Variants in CTNND2 observed in about 807,000 individuals in gnomAD.
CTNND2 encodes catenin delta-2.
CTNND2 carries 22 observed loss-of-function variants against 144.4 expected under a neutral mutation model. That is an observed-to-expected ratio of 0.15 (90% confidence interval 0.11 to 0.22). CTNND2 has a LOEUF of 0.22. CTNND2 is among the 10% of genes least tolerant of loss of function. The pLI is 1.00. For synonymous variants in CTNND2, 751 were observed against 695.6 expected, an observed-to-expected ratio of 1.08 and a Z score of -1.25; for missense variants, 1,353 against 1,618.8, an observed-to-expected ratio of 0.84 and a Z score of 2.82.
chr5:11,787,880 T>C (rs1208267269), intron 1 of CTNND2, among the ~76,000 whole-genome samples: 1 of 152,196 alleles, frequency 6.6e-6, no homozygotes, highest in Non-Finnish European at 1.5e-5. Context: ...TCCTTAGAAG[T>C]GCAAATAAAT....
chr5:11,372,236 GGTAA>G (rs1161105819), intron 7 of CTNND2, among the ~76,000 whole-genome samples: 1 of 152,208 alleles, frequency 6.6e-6, no homozygotes, highest in African/African-American at 2.4e-5. Flanking sequence ...AGGACATCAT[GGTAA>G]GTGTGTCCAT....
intron 2 of CTNND2, among the ~76,000 whole-genome samples, chr5:11,669,056 T>C (rs1212537680): frequency 2.6e-5 from 4 of 152,228 alleles, no homozygotes; most frequent in Admixed American, 2.0e-4. Context: ...GTTTACGTGA[T>C]GGATTATGTT....
intron 1 of CTNND2, among the ~76,000 whole-genome samples, chr5:11,878,486 T>G (rs1401944563): frequency 1.3e-5 from 2 of 152,130 alleles, no homozygotes; most frequent in Non-Finnish European, 2.9e-5. Flanking sequence ...GATCAATACA[T>G]AGAGAAAACA....
chr5:11,332,275 C>CAA (rs5865932), intron 9 of CTNND2, among the ~76,000 whole-genome samples: 3 of 81,550 alleles, frequency 3.7e-5, no homozygotes, highest in Non-Finnish European at 8.5e-5. Context: ...AACTCCGTCT[C>CAA]AAAAAAAAAA....
intron 3 of CTNND2, among the ~76,000 whole-genome samples, chr5:11,518,294 TATAGAATAATGATAGAA>T (rs1561504540): frequency 1.1e-5 from 1 of 93,132 alleles, no homozygotes; most frequent in Non-Finnish European, 2.2e-5. Flanking sequence ...GTAAAAAGCT[TATAGAATAATGATAGAA>T]ATATTTTTGT....
intron 2 of CTNND2, among the ~76,000 whole-genome samples, chr5:11,664,723 T>C (rs1783458944): frequency 6.6e-6 from 1 of 152,214 alleles, no homozygotes; most frequent in Admixed American, 6.6e-5. Context: ...ATCTAAATTA[T>C]TACCTCCAAT....
At chr5:11,381,651 T>C (rs1758488653) in intron 7 of CTNND2, among the ~76,000 whole-genome samples, 1 of 152,190 alleles carries the variant, frequency 6.6e-6, no homozygotes, top group South Asian at 2.1e-4. Flanking sequence ...TACTAACTAA[T>C]GGCATCACTG....
chr5:11,417,123 T>C (rs967249571), intron 3 of CTNND2, among the ~76,000 whole-genome samples: 3 of 152,220 alleles, frequency 2.0e-5, no homozygotes, highest in Non-Finnish European at 4.4e-5. Flanking sequence ...TTGTAGTTAA[T>C]CTTCATATTA....
chr5:11,507,112 C>A (rs970412775), intron 3 of CTNND2, among the ~76,000 whole-genome samples: 5 of 152,164 alleles, frequency 3.3e-5, no homozygotes, highest in African/African-American at 1.2e-4. Flanking sequence ...TAGGCTCGTA[C>A]CTGGGACAGT....
intron 3 of CTNND2, among the ~76,000 whole-genome samples, chr5:11,418,432 A>G (rs948530548): frequency 3.3e-5 from 5 of 152,146 alleles, no homozygotes; most frequent in African/African-American, 1.2e-4. Flanking sequence ...CAAAACAAAA[A>G]AACAAAATAA....
chr5:11,270,926 T>C (rs920617009), intron 9 of CTNND2, among the ~76,000 whole-genome samples: 4 of 152,218 alleles, frequency 2.6e-5, no homozygotes, highest in Middle Eastern at 3.2e-3. Flanking sequence ...ACATACTAAT[T>C]AGCATCCTTT....
chr5:11,321,211 C>T (rs888848125), intron 9 of CTNND2, among the ~76,000 whole-genome samples: 4 of 152,140 alleles, frequency 2.6e-5, no homozygotes, highest in Non-Finnish European at 4.4e-5. Context: ...ATGTTTTATA[C>T]AACAGTGAGT....
chr5:11,084,614 T>A (rs982812013), intron 15 of CTNND2, among the ~76,000 whole-genome samples: 5 of 152,140 alleles, frequency 3.3e-5, no homozygotes, highest in Non-Finnish European at 5.9e-5. Context: ...GGGGTACTCC[T>A]GGCAACTTAG....
chr5:10,982,124 T>C (rs1187363108), intron 20 of CTNND2, among the ~76,000 whole-genome samples: 1 of 152,216 alleles, frequency 6.6e-6, no homozygotes, highest in Non-Finnish European at 1.5e-5. Context: ...ATGGTCATTT[T>C]GTAAGTTTTA....
intron 12 of CTNND2, among the ~76,000 whole-genome samples, chr5:11,144,514 C>G (rs532456708): frequency 5.4e-4 from 82 of 152,246 alleles, no homozygotes; most frequent in African/African-American, 1.9e-3. Context: ...CTCTCCTTGT[C>G]TCCTGGGGCA....
At chr5:11,079,418 A>T (rs754313458) in intron 16 of CTNND2, among the ~76,000 whole-genome samples, 3 of 152,196 alleles carry the variant, frequency 2.0e-5, no homozygotes, top group Non-Finnish European at 2.9e-5. Flanking sequence ...CCAGATGCCT[A>T]CCAGCCAGAC....
At chr5:11,385,334 G>A (rs1442332769) in intron 6 of CTNND2, 105 bp from the exon 7 acceptor site, 2 of 791,778 alleles carry the variant, frequency 2.5e-6, no homozygotes, top group Middle Eastern at 6.3e-4. Context: ...GGGATGCCGC[G>A]GGCGCCCGGC....
At chr5:11,291,465 T>G (rs1748345304) in intron 9 of CTNND2, among the ~76,000 whole-genome samples, 1 of 152,164 alleles carries the variant, frequency 6.6e-6, no homozygotes, top group Admixed American at 6.6e-5. Flanking sequence ...ACTGTGTCAA[T>G]GTCTGCCACT....
intron 9 of CTNND2, among the ~76,000 whole-genome samples, chr5:11,334,123 T>A (rs1423777596): frequency 6.6e-6 from 1 of 152,152 alleles, no homozygotes; most frequent in Non-Finnish European, 1.5e-5. Context: ...GCAAACACAT[T>A]CAAAATGGTA....
Sources: allele counts gnomAD v4.1 joint callset (sites outside exome capture counted in the v4.1 genomes callset), GRCh38; gene constraint gnomAD v4.1.1; transcripts MANE v1.5; gene names NCBI Gene and HGNC (gene_info 2026-07-23, HGNC 2026-07-21).